The following VPS13C variants were observed in gnomAD, a reference collection of about 807,000 sequenced individuals.
VPS13C encodes the protein vacuolar protein sorting 13 homolog C, also known as intermembrane lipid transfer protein VPS13C.
Under a neutral mutation model 456.8 loss-of-function variants are expected in VPS13C, and 358 were observed. The observed-to-expected ratio is 0.78, with a 90% CI of 0.72 to 0.86. The LOEUF (loss-of-function observed/expected upper bound fraction) is 0.86. VPS13C is among the 40% of genes least tolerant of loss of function. VPS13C has a pLI of 0.00. For synonymous variants in VPS13C, 1,578 were observed against 1,486.7 expected (o/e 1.06, Z -1.41); for missense variants, 4,818 against 4,385.4 (o/e 1.10, Z -2.79).
At chr15:61,874,817 CGT>C in intron 77 of VPS13C, 57 bp downstream of exon 77, 1 of 1,411,490 alleles carries the variant, frequency 7.1e-7, no homozygotes, top group Non-Finnish European at 9.6e-7. Context: ...TTCATAACAA[CGT>C]ATTTCATAAC....
intron 57 of VPS13C, 101 bp from the exon 58 acceptor site, chr15:61,919,550 C>T (rs2140175410): frequency 2.5e-6 from 3 of 1,189,646 alleles, no homozygotes; most frequent in Admixed American, 6.4e-5. Flanking sequence ...TATTTTTCCT[C>T]ATCACTAGAA....
intron 5 of VPS13C, among the ~76,000 whole-genome samples, chr15:62,031,179 T>C (rs924067675): frequency 6.6e-6 from 1 of 152,076 alleles, no homozygotes; most frequent in South Asian, 2.1e-4. Flanking sequence ...GGAAACAATA[T>C]AATTTTACCA....
intron 75 of VPS13C, among the ~76,000 whole-genome samples, chr15:61,876,261 C>T (rs1038247343): frequency 1.3e-5 from 2 of 151,878 alleles, no homozygotes; most frequent in African/African-American, 2.4e-5. Context: ...AGTGAGACTC[C>T]GTCTCTATAA....
intron 11 of VPS13C, 95 bp from the exon 12 acceptor site, chr15:62,012,259 A>ACACAC: frequency 2.0e-6 from 1 of 498,758 alleles, no homozygotes; most frequent in South Asian, 2.9e-5. Flanking sequence ...CACACACACA[A>ACACAC]AGCTTGGTTC....
At chr15:62,010,370 A>C (rs559294638) in intron 13 of VPS13C, 102 bp downstream of exon 13, 44 of 1,284,074 alleles carry the variant, frequency 3.4e-5, no homozygotes, top group Middle Eastern at 2.4e-4. Flanking sequence ...TCAACATAAC[A>C]AACCCCAAAA....
chr15:61,915,176 C>A (rs1387987950), intron 61 of VPS13C, among the ~76,000 whole-genome samples: 2 of 151,978 alleles, frequency 1.3e-5, no homozygotes, highest in African/African-American at 4.8e-5. Flanking sequence ...TGAGGGATAC[C>A]AAAATGTGAG....
chr15:61,928,509 T>A (rs986912540), intron 51 of VPS13C, among the ~76,000 whole-genome samples: 4 of 152,202 alleles, frequency 2.6e-5, no homozygotes, highest in Admixed American at 2.0e-4. Flanking sequence ...ATAGCATTCT[T>A]ACCAGGACAT....
rs2047939205 is a variant in VPS13C at position 62,034,949 on chromosome 15, T to A, written c.283+8A>T. ...GTTATTGAATGGTTATAACCTAAAA[T>A]AACATACTTGCTCCAGGGACAACAA... On this transcript the variant is annotated splice_region_variant and intron_variant, in intron 4 of 84. Transcript: ENST00000644861. 1.3e-6 allele frequency: 2 copies of A among 1,578,182 alleles called. No individual in the cohort carries two copies. Among genetic ancestry groups the A allele is most frequent in the South Asian group, 1.2e-5 (1 of 84,656 alleles).
intron 6 of VPS13C, among the ~76,000 whole-genome samples, chr15:62,024,110 C>A (rs1026873717): frequency 6.6e-6 from 1 of 152,002 alleles, no homozygotes; most frequent in African/African-American, 2.4e-5. Flanking sequence ...TGGATAAAAT[C>A]TCCATTCCCA....
intron 55 of VPS13C, among the ~76,000 whole-genome samples, chr15:61,921,688 G>A (rs982475262): frequency 2.0e-5 from 3 of 152,048 alleles, no homozygotes; most frequent in African/African-American, 7.2e-5. Flanking sequence ...TGCCTTAAGG[G>A]AAGACAGATA....
At chr15:61,957,740 G>A (rs2045055185) in intron 37 of VPS13C, among the ~76,000 whole-genome samples, 1 of 151,992 alleles carries the variant, frequency 6.6e-6, no homozygotes, top group Non-Finnish European at 1.5e-5. Context: ...ACTTGTAAAA[G>A]TATATGTATG....
chr15:61,921,883 A>G lies in VPS13C; in HGVS notation c.7062+64T>C. 5 of 1,540,594 alleles carry G rather than the reference A, an allele frequency of 3.2e-6. 1 individual carries two copies. The South Asian group carries it at 5.6e-5, about 17-fold the overall frequency. ...AGACCACATCTTAAGAATCACTGAA[A>G]TAAAAACTATGAATGAATATGCATA... On this transcript the variant is annotated intron_variant, in intron 55 of 84. Coordinates refer to ENST00000644861, the MANE Select transcript of VPS13C (RefSeq NM_020821.3).
intron 3 of VPS13C, among the ~76,000 whole-genome samples, chr15:62,037,295 A>G (rs1234850183): frequency 5.2e-5 from 4 of 77,402 alleles, no homozygotes; most frequent in African/African-American, 1.7e-4. Flanking sequence ...ATATTATATT[A>G]TATAATATAT....
intron 66 of VPS13C, among the ~76,000 whole-genome samples, chr15:61,894,334 C>A (rs533590199): frequency 8.6e-4 from 128 of 149,428 alleles, no homozygotes; most frequent in South Asian, 2.5e-3. Flanking sequence ...AAAAAAAAAA[C>A]CCCAGAAATC....
At position 61,927,247 on chromosome 15, in the gene VPS13C, C is replaced by G; in HGVS notation, c.6360G>C (p.Leu2120=). Reference sequence around the variant, plus strand: ...TCAGAGCAGGAGCATCAGCCTTTGTCAGGCTGGCAACAAATACCACTTCTG... The same window carrying G: ...TCAGAGCAGGAGCATCAGCCTTTGTGAGGCTGGCAACAAATACCACTTCTG... ...TDPEVVFVAS[L]TKADAPALTA... is the part of the protein sequence containing the mutation. The change falls in exon 52 of 85, where the codon CTG becomes CTC. Residue 2120 remains leucine (L), a synonymous_variant. Transcript: ENST00000644861. 6.2e-7 allele frequency: 1 copy of G among 1,614,190 alleles called. No homozygotes were observed. The highest frequency in any genetic ancestry group is 8.5e-7 in the Non-Finnish European group (1 of 1,180,028).
In VPS13C at chr15:61,969,304, A is replaced by G; in HGVS notation, c.2906T>C (p.Ile969Thr). 1 of 1,592,018 alleles carries G rather than the reference A, an allele frequency of 6.3e-7. No homozygotes were observed. Among genetic ancestry groups the G allele is most frequent in the South Asian group, 1.2e-5 (1 of 86,250 alleles). ...LKKISLDYHE[I>T]EGSKRKPLHL... The stretch of plus-strand genomic sequence containing the variant: ...TCTATTTTTATGGGTATTACCTTCA[A>G]TTTCATGATAATCCAAGCTGATTTT... Residue 969 changes from isoleucine to threonine, a missense_variant, in exon 28 of 85, where the codon ATT (isoleucine) becomes ACT (threonine). This residue lies in a region of VPS13C where 4,552 missense variants were observed against 4,130.6 expected (regional missense o/e 1.10). Coordinates refer to ENST00000644861, the MANE Select transcript of VPS13C (RefSeq NM_020821.3).
intron 16 of VPS13C, among the ~76,000 whole-genome samples, chr15:61,994,327 G>C (rs1416241406): frequency 6.6e-6 from 1 of 152,164 alleles, no homozygotes; most frequent in Non-Finnish European, 1.5e-5. Context: ...TTAAGTCATG[G>C]AGGATTGAAA....
chr15:62,016,513 C>T (rs1296639049), intron 9 of VPS13C, among the ~76,000 whole-genome samples: 2 of 147,464 alleles, frequency 1.4e-5, no homozygotes, highest in East Asian at 4.1e-4. Flanking sequence ...TGAGTGAGAA[C>T]ATGCAGTGTT....
intron 66 of VPS13C, among the ~76,000 whole-genome samples, chr15:61,900,915 A>T (rs142129652): frequency 0.53 from 80,275 of 150,076 alleles, 21,851 homozygotes; most frequent in Admixed American, 0.62. Context: ...AACAGAGATA[A>T]AGATCAATGG....
Sources: gnomAD v4.1 joint callset for allele counts (sites outside exome capture counted in the v4.1 genomes callset) on GRCh38, gnomAD v4.1.1 for gene constraint, gnomAD v4.1.1 regional missense constraint, MANE v1.5 for transcripts, NCBI Gene and HGNC (gene_info 2026-07-23, HGNC 2026-07-21) for gene names.